The following SLC15A5 variants were observed in gnomAD, a reference collection of about 807,000 sequenced individuals.
SLC15A5 encodes the protein Peptide/histidine transporter ENSP00000340402.
Under a neutral mutation model 56.1 loss-of-function variants are expected in SLC15A5, and 58 were observed. That is an observed-to-expected ratio of 1.03 (90% CI 0.84 to 1.29). The LOEUF is 1.29. SLC15A5 is among the 50% of genes most tolerant of loss of function. SLC15A5 has a pLI of 0.00. For synonymous variants in SLC15A5, 264 were observed against 250.5 expected (o/e 1.05, Z -0.51); for missense variants, 681 against 672.1 (o/e 1.01, Z -0.15).
At chr12:16,239,938 A>G in intron 4 of SLC15A5, 71 bp from the exon 5 acceptor site, 1 of 1,360,844 alleles carries the variant, frequency 7.3e-7, no homozygotes. Context: ...CGTCCACCAG[A>G]GGCCTACCCT....
At chr12:16,206,544 G>C (rs908401259) in intron 7 of SLC15A5, among the ~76,000 whole-genome samples, 1 of 152,046 alleles carries the variant, frequency 6.6e-6, no homozygotes, top group African/African-American at 2.4e-5. Flanking sequence ...ATCTAATAAG[G>C]ACTCAAATTT....
chr12:16,230,290 G>C (rs1377039711), intron 5 of SLC15A5, among the ~76,000 whole-genome samples: 1 of 152,190 alleles, frequency 6.6e-6, no homozygotes, highest in African/African-American at 2.4e-5. Flanking sequence ...AGATGGGAAT[G>C]AAATTGAGAG....
At chr12:16,205,557 TATTCCATAAGAAGGGAAAG>T (rs1864008097) in intron 7 of SLC15A5, among the ~76,000 whole-genome samples, 1 of 3,680 alleles carries the variant, frequency 2.7e-4, no homozygotes, top group African/African-American at 4.1e-4. Context: ...TATATATATA[TATTCCATAAGAAGGGAAAG>T]GTGCATATAT....
rs1217426162 is a variant in SLC15A5, at chr12:16,239,764, A to G, written c.1079T>C (p.Leu360Pro). The G allele has an allele frequency of 6.5e-7, 1 of 1,537,366 alleles. No homozygotes were observed. The highest frequency in any genetic ancestry group is 1.2e-5 in the South Asian group (1 of 84,064). Residue 360 changes from leucine to proline, a missense_variant, in exon 5 of 9, where the codon CTA becomes CCA. Transcript: ENST00000344941. ...ATACTCCAGAAAAGGAGCCAGAATTAGTAATGGTAGGCTGCTGATGGCATT... is the reference window on the plus strand; with the variant it reads ...ATACTCCAGAAAAGGAGCCAGAATTGGTAATGGTAGGCTGCTGATGGCATT... ...VMNAISSLPL[L>P]ILAPFLEYFS...
chr12:16,189,562 T>A lies in SLC15A5; in HGVS notation c.*106A>T, dbSNP rs1455138681. Reference sequence around the variant, plus strand: ...AAGTATACAGATGATATTTGTAAAATCACCTCTGTATATATTGGCTTTTAC... The same window carrying A: ...AAGTATACAGATGATATTTGTAAAAACACCTCTGTATATATTGGCTTTTAC... On this transcript the variant is annotated 3_prime_UTR_variant, in exon 9 of 9. Transcript: ENST00000344941. The A allele has an allele frequency of 5.4e-6, 5 of 927,786 alleles. No homozygotes were observed. The African/African-American group carries it at 6.8e-5, about 13-fold the overall frequency. The allele number at this position is 927,786 out of a possible 1,614,324, so 57.5% of individuals were successfully genotyped here. A position where few individuals can be genotyped will look rare whatever the true frequency, so the allele number is the denominator to read the frequency against.
chr12:16,205,543 T>TAC (rs1864006571), intron 7 of SLC15A5, among the ~76,000 whole-genome samples: 1 of 1,086 alleles, frequency 9.2e-4, no homozygotes, highest in African/African-American at 1.0e-3. Flanking sequence ...CATATATATA[T>TAC]ATGTATATAT....
chr12:16,247,267 G>A (rs1398895816), intron 3 of SLC15A5, among the ~76,000 whole-genome samples: 1 of 152,100 alleles, frequency 6.6e-6, no homozygotes, highest in East Asian at 1.9e-4. Context: ...AAACAAAATG[G>A]TCAAGAAAGA....
rs1864348275 is a variant in SLC15A5 at position 16,235,937 on chromosome 12, A to C, written c.1162+3744T>G. On this transcript the variant is annotated intron_variant, in intron 5 of 8. Coordinates refer to ENST00000344941, the MANE Select transcript of SLC15A5 (RefSeq NM_001170798.1). This position sits in a 1 kb window ranked among gnomAD's most constrained non-coding sequence, Gnocchi z 4.1. ...CTACACTGACTGTGACTATATCATAAAAGACTTTTAGCTGGAACTTGAATT... is the reference window on the plus strand; with the variant it reads ...CTACACTGACTGTGACTATATCATACAAGACTTTTAGCTGGAACTTGAATT... 6.6e-6 allele frequency among the ~76,000 whole-genome samples: 1 copy of C among 152,160 alleles called. No homozygotes were observed. Among genetic ancestry groups the C allele is most frequent in the African/African-American group, 2.4e-5 (1 of 41,464 alleles).
chr12:16,202,372 G>T (rs1488728995), intron 7 of SLC15A5, among the ~76,000 whole-genome samples: 3 of 151,936 alleles, frequency 2.0e-5, no homozygotes, highest in Admixed American at 6.6e-5. Context: ...TGATCATCAG[G>T]GAAATGCAAA....
intron 8 of SLC15A5, among the ~76,000 whole-genome samples, chr12:16,192,884 T>C (rs918244944): frequency 1.3e-5 from 2 of 152,140 alleles, no homozygotes; most frequent in Admixed American, 6.6e-5. Context: ...ACTATTTTTA[T>C]CATTTCCATT....
At chr12:16,273,684 C>A (rs1002965026) in intron 1 of SLC15A5, among the ~76,000 whole-genome samples, 6 of 151,138 alleles carry the variant, frequency 4.0e-5, no homozygotes, top group African/African-American at 1.5e-4. Flanking sequence ...ATAAAGTAAC[C>A]CAGTTGTAAT....
At chr12:16,252,160 C>T (rs1218826887) in intron 3 of SLC15A5, among the ~76,000 whole-genome samples, 1 of 151,874 alleles carries the variant, frequency 6.6e-6, no homozygotes, top group Non-Finnish European at 1.5e-5. Context: ...AGGAAACTAC[C>T]TTAACATAAT....
At position 16,224,571 on chromosome 12, in the gene SLC15A5, C is replaced by T; in HGVS notation, c.1194G>A (p.Val398=). 4 of 1,536,196 alleles carry T rather than the reference C, an allele frequency of 2.6e-6. No homozygotes were observed. Among genetic ancestry groups the T allele is most frequent in the Non-Finnish European group, 2.6e-6 (3 of 1,146,404 alleles). ...IAGNLFAALS[V]MIAGFFEIHR... ...GTATTTCAAAGAAGCCAGCTATCAT[C>T]ACAGACAATGCAGCAAAAAGATTTC... Residue 398 remains valine (V), a synonymous_variant, in exon 6 of 9, where the codon GTG becomes GTA. Coordinates refer to ENST00000344941, the MANE Select transcript of SLC15A5 (RefSeq NM_001170798.1).
At chr12:16,213,093 A>G (rs576425601) in intron 7 of SLC15A5, among the ~76,000 whole-genome samples, 1 of 152,244 alleles carries the variant, frequency 6.6e-6, no homozygotes, top group African/African-American at 2.4e-5. Flanking sequence ...TTTTGTACCC[A>G]TATTATGTTT....
intron 7 of SLC15A5, among the ~76,000 whole-genome samples, chr12:16,202,308 TAGA>T (rs1863966283): frequency 6.6e-6 from 1 of 152,168 alleles, no homozygotes; most frequent in Non-Finnish European, 1.5e-5. Flanking sequence ...AGACATTTCC[TAGA>T]AGAAGACATA....
intron 2 of SLC15A5, among the ~76,000 whole-genome samples, chr12:16,259,295 T>C (rs1293760567): frequency 6.6e-6 from 1 of 151,434 alleles, no homozygotes; most frequent in Non-Finnish European, 1.5e-5. Context: ...CCCCTCCCCT[T>C]TTCTTTTTCC....
At chr12:16,240,007 T>C in intron 4 of SLC15A5, 140 bp from the exon 5 acceptor site, 1 of 729,860 alleles carries the variant, frequency 1.4e-6, no homozygotes. Context: ...AGTTCCCAGT[T>C]ATGAGCTGAT....
chr12:16,192,975 T>A (rs1472450629), intron 8 of SLC15A5, among the ~76,000 whole-genome samples: 2 of 152,120 alleles, frequency 1.3e-5, no homozygotes. Flanking sequence ...GAAACTGGAC[T>A]CAACTTGGGT....
At chr12:16,256,401 C>A (rs1176815601) in intron 3 of SLC15A5, among the ~76,000 whole-genome samples, 1 of 152,086 alleles carries the variant, frequency 6.6e-6, no homozygotes, top group Non-Finnish European at 1.5e-5. Context: ...GTACATAATG[C>A]CACCTATGAA....
Sources: allele counts gnomAD v4.1 joint callset (sites outside exome capture counted in the v4.1 genomes callset), GRCh38; gene constraint gnomAD v4.1.1; non-coding constraint Gnocchi (gnomAD v3.1); transcripts MANE v1.5; gene names NCBI Gene and HGNC (gene_info 2026-07-23, HGNC 2026-07-21).